BCORL1: variants seen among roughly 807,000 people sequenced by gnomAD.
BCORL1 encodes the protein BCL-6 corepressor-like protein 1.
BCORL1 carries 7 observed loss-of-function variants against 87.6 expected under a neutral mutation model. The observed-to-expected ratio is 0.08, with a 90% confidence interval of 0.05 to 0.15. The LOEUF is 0.15. BCORL1 is among the 10% of genes least tolerant of loss of function. The probability of loss-of-function intolerance (pLI) is 1.00; values close to 1 mark genes in which losing one functional copy is unlikely to be tolerated. For missense variants in BCORL1, 1,215 were observed against 1,499.7 expected, an observed-to-expected ratio of 0.81 and a Z score of 3.13; for synonymous variants, 591 against 634.4, an observed-to-expected ratio of 0.93 and a Z score of 1.03.
At chrX:130,048,845 C>T (rs781296452) in intron 11 of BCORL1, among the ~76,000 whole-genome samples, 1 of 112,144 alleles carries the variant, frequency 8.9e-6, no homozygotes, top group Non-Finnish European at 1.9e-5. Flanking sequence ...CTGGCAACCA[C>T]CAATCTGCTT....
intron 12 of BCORL1, among the ~76,000 whole-genome samples, chrX:130,051,113 A>G (rs1427844199): frequency 6.3e-5 from 7 of 111,733 alleles, no homozygotes; most frequent in Non-Finnish European, 1.3e-4. Context: ...ACTGTCACCT[A>G]TTCCAGTATT....
chrX:130,038,397 G>A (rs2124535553), intron 10 of BCORL1, among the ~76,000 whole-genome samples: 1 of 110,975 alleles, frequency 9.0e-6, no homozygotes, highest in Admixed American at 9.6e-5. Flanking sequence ...CCTGGCGTGT[G>A]GAGCCCTTCT....
At chrX:129,995,544 G>A (rs778345252) in intron 1 of BCORL1, among the ~76,000 whole-genome samples, 1 of 111,203 alleles carries the variant, frequency 9.0e-6, no homozygotes, top group Non-Finnish European at 1.9e-5. Context: ...AGGTTCAAGT[G>A]ATTCCCCTGC....
rs1219526049 is a variant in BCORL1, at chrX:130,015,978, A to G, written c.3206A>G (p.Asp1069Gly). 1 of 1,211,895 alleles carries G rather than the reference A, an allele frequency of 8.3e-7. No homozygotes were observed. The highest frequency in any genetic ancestry group is 1.1e-6 in the Non-Finnish European group (1 of 895,589). ...VFNLATCFRA[D>G]GLPVAPQRGQ... ...AATTTAGCCACCTGCTTCCGGGCTGATGGCCTCCCAGTGGCTCCCCAGAGG... is the reference window on the plus strand; with the variant it reads ...AATTTAGCCACCTGCTTCCGGGCTGGTGGCCTCCCAGTGGCTCCCCAGAGG... The change falls in exon 4 of 14, where the codon GAT (aspartate) becomes GGT (glycine). Residue 1069 changes from aspartate to glycine, a missense_variant. Physicochemically the swap from Asp to Gly is moderately conservative, Grantham distance 94. Coordinates refer to ENST00000540052, the MANE Select transcript of BCORL1 (RefSeq NM_001379451.1).
At chrX:129,990,522 T>C (rs1172942376) in intron 1 of BCORL1, among the ~76,000 whole-genome samples, 4 of 112,101 alleles carry the variant, frequency 3.6e-5, no homozygotes, top group East Asian at 5.5e-4. Flanking sequence ...TGAGCCACTG[T>C]GCCCGGCCCT....
intron 8 of BCORL1, among the ~76,000 whole-genome samples, chrX:130,033,944 T>C (rs935769747): frequency 4.5e-5 from 5 of 110,122 alleles, no homozygotes; most frequent in African/African-American, 1.3e-4. Context: ...ATCACACCAC[T>C]GCACTCCAGC....
chrX:130,036,953 C>T (rs1429639028), intron 9 of BCORL1, among the ~76,000 whole-genome samples: 1 of 112,364 alleles, frequency 8.9e-6, no homozygotes, highest in Non-Finnish European at 1.9e-5. Context: ...GGAGACCAGC[C>T]TGGCCAACAT....
At position 130,046,536 on chromosome X, in the gene BCORL1, C is replaced by A. The variant is rs187779421; in HGVS notation, c.4841-4181C>A. Reference sequence around the variant, plus strand: ...AGTAGCTGGGATTACAGACATGCACCACCATGCTCAGCTAATTTTTTTTTT... The same window carrying A: ...AGTAGCTGGGATTACAGACATGCACAACCATGCTCAGCTAATTTTTTTTTT... On this transcript the variant is annotated intron_variant, in intron 11 of 13. Coordinates refer to ENST00000540052, the MANE Select transcript of BCORL1 (RefSeq NM_001379451.1). Among the ~76,000 whole-genome samples the A allele has an allele frequency of 4.0e-3, 434 of 108,891 alleles. 4 individuals are homozygous for A. Among genetic ancestry groups the A allele is most frequent in the African/African-American group, 0.013 (403 of 29,996 alleles). 94.6% of individuals were successfully genotyped at this position (108,891 alleles called of 115,157 possible). A position where few individuals can be genotyped will look rare whatever the true frequency, so the allele number is the denominator to read the frequency against.
At chrX:130,000,385 G>A (rs970257731) in intron 1 of BCORL1, among the ~76,000 whole-genome samples, 4 of 112,408 alleles carry the variant, frequency 3.6e-5, no homozygotes, top group African/African-American at 1.3e-4. Context: ...CTGAGAAACA[G>A]TCAAAACTTG....
At chrX:130,012,841 C>T (rs1929069881) in intron 3 of BCORL1, 109 bp from the exon 4 acceptor site, 1 of 1,107,954 alleles carries the variant, frequency 9.0e-7, no homozygotes, top group South Asian at 2.1e-5. Flanking sequence ...CTTCCGAGAC[C>T]TGGTTGGTCG....
In BCORL1 at chrX:130,057,358, A is replaced by ACCTGGCCTCCC. The variant is rs1172055574; in HGVS notation, c.*1232_*1242dup. The ACCTGGCCTCCC allele has an allele frequency of 9.0e-6, 1 of 111,187 alleles. No individual in the cohort carries two copies. Among genetic ancestry groups the ACCTGGCCTCCC allele is most frequent in the Non-Finnish European group, 1.9e-5 (1 of 52,910 alleles). 9.2% of individuals were successfully genotyped at this position (111,187 alleles called of 1,213,427 possible). Reference sequence around the variant, plus strand: ...GGGCCTGGGGCTGAGTGGTATCCCTACCTGGCCTCCCCCTGGCCTCTGGGC... The same window carrying ACCTGGCCTCCC: ...GGGCCTGGGGCTGAGTGGTATCCCTACCTGGCCTCCCCCTGGCCTCCCCCTGGCCTCTGGGC... On this transcript the variant is annotated 3_prime_UTR_variant, in exon 14 of 14. Coordinates refer to ENST00000540052, the MANE Select transcript of BCORL1 (RefSeq NM_001379451.1).
chrX:130,015,494 T>C lies in BCORL1; in HGVS notation c.2722T>C (p.Cys908Arg), dbSNP rs1929350049. 8.3e-7 allele frequency: 1 copy of C among 1,212,010 alleles called. No homozygotes were observed. Among genetic ancestry groups the C allele is most frequent in the East Asian group, 3.0e-5 (1 of 33,833 alleles). Residue 908 changes from cysteine to arginine, a missense_variant, in exon 4 of 14, where the codon TGC becomes CGC. Physicochemically the swap from Cys to Arg is radical, Grantham distance 180. Transcript: ENST00000540052. ...EQDPVTKNKTCRIAAKPYEEQ... is the reference protein window; with the variant it reads ...EQDPVTKNKTRRIAAKPYEEQ... ...GGACCCTGTTACAAAGAACAAAACT[T>C]GCCGGATTGCTGCCAAGCCTTATGA...
intron 9 of BCORL1, among the ~76,000 whole-genome samples, chrX:130,036,769 T>C (rs746502890): frequency 8.9e-6 from 1 of 112,379 alleles, no homozygotes; most frequent in African/African-American, 3.2e-5. Context: ...GTCTGAGTGC[T>C]TGAGCTCTGG....
At chrX:130,001,545 A>C in intron 1 of BCORL1, among the ~76,000 whole-genome samples, 1 of 111,418 alleles carries the variant, frequency 9.0e-6, no homozygotes, top group Non-Finnish European at 1.9e-5. Flanking sequence ...GGGTTAACTG[A>C]ACTCGGGCTG....
At chrX:130,043,782 ATATTTTTT>A (rs1338594066) in intron 11 of BCORL1, among the ~76,000 whole-genome samples, 5 of 20,170 alleles carry the variant, frequency 2.5e-4, no homozygotes, top group African/African-American at 1.8e-3. Flanking sequence ...ATATATATAT[ATATTTTTT>A]TTTTTTTTTT....
intron 1 of BCORL1, among the ~76,000 whole-genome samples, chrX:129,985,380 A>G (rs1055500073): frequency 9.8e-5 from 11 of 111,770 alleles, no homozygotes; most frequent in African/African-American, 3.6e-4. Context: ...TGTCTGGTGC[A>G]CAGTTTAGGG....
intron 1 of BCORL1, among the ~76,000 whole-genome samples, chrX:129,987,547 A>G (rs1926734671): frequency 8.9e-6 from 1 of 111,927 alleles, no homozygotes; most frequent in Non-Finnish European, 1.9e-5. Context: ...TGTCCTAAAT[A>G]GAGTGGCCTT....
At position 130,053,246 on chromosome X, in the gene BCORL1, T is replaced by G. The variant is rs1017402868; in HGVS notation, c.5075+1230T>G. Among the ~76,000 whole-genome samples, 4 of 111,301 alleles carry G rather than the reference T, an allele frequency of 3.6e-5. No individual in the cohort carries two copies. The Admixed American group carries it at 3.8e-4, about 11-fold the overall frequency. On this transcript the variant is annotated intron_variant, in intron 13 of 13. Coordinates refer to ENST00000540052, the MANE Select transcript of BCORL1 (RefSeq NM_001379451.1). ...AGGTCTTTAAGTGAGAGCCTCTGTT[T>G]AGGGCTCTAACCATTAGACCACAGT...
intron 1 of BCORL1, among the ~76,000 whole-genome samples, chrX:129,991,751 G>A (rs1467094251): frequency 2.2e-5 from 2 of 92,491 alleles, no homozygotes; most frequent in Non-Finnish European, 4.2e-5. Flanking sequence ...TCCATCTCCC[G>A]GGTTCAAGCA....
Sources: allele counts gnomAD v4.1 joint callset (sites outside exome capture counted in the v4.1 genomes callset), GRCh38; gene constraint gnomAD v4.1.1; transcripts MANE v1.5; gene names NCBI Gene and HGNC (gene_info 2026-07-23, HGNC 2026-07-21).